OR52N2: variants seen among roughly 807,000 people sequenced by gnomAD.
OR52N2 encodes olfactory receptor 52N2.
For missense variants in OR52N2, 326 were observed against 196.6 expected (o/e 1.66, Z -3.94); for synonymous variants, 129 against 72.0 (o/e 1.79, Z -4.01).
chr11:5,812,153 T>G (rs1846366819), intron 1 of OR52N2, among the ~76,000 whole-genome samples: 1 of 141,540 alleles, frequency 7.1e-6, no homozygotes, highest in South Asian at 2.2e-4. Flanking sequence ...TATACCTATG[T>G]GACAAACCTG....
intron 1 of OR52N2, among the ~76,000 whole-genome samples, chr11:5,809,750 A>G (rs764189973): frequency 2.0e-5 from 3 of 152,142 alleles, no homozygotes; most frequent in Non-Finnish European, 2.9e-5. Flanking sequence ...CTGTGGGCTA[A>G]TTAAAGACAA....
At chr11:5,813,890 C>T (rs1846382565) in intron 1 of OR52N2, among the ~76,000 whole-genome samples, 1 of 152,150 alleles carries the variant, frequency 6.6e-6, no homozygotes, top group African/African-American at 2.4e-5. Flanking sequence ...AAATGCAACA[C>T]ACCTCATTAA....
intron 1 of OR52N2, among the ~76,000 whole-genome samples, chr11:5,814,652 A>T (rs1846388102): frequency 6.6e-6 from 1 of 152,224 alleles, no homozygotes; most frequent in Non-Finnish European, 1.5e-5. Context: ...TACAACCCAA[A>T]GTAATCTACA....
Position 5,811,930 on chromosome 11 carries a change from A to G in OR52N2, c.-55+2876A>G, listed in dbSNP as rs77965817. On this transcript the variant is annotated intron_variant, in intron 1 of 1. Transcript: ENST00000317037. Reference sequence around the variant, plus strand: ...AGAGTTCAGAAGTAGCTATATGTATATTGGCTAAAATAGCATTTAAATCAA... The same window carrying G: ...AGAGTTCAGAAGTAGCTATATGTATGTTGGCTAAAATAGCATTTAAATCAA... Among the ~76,000 whole-genome samples, 1,272 of 152,324 alleles carry G rather than the reference A, an allele frequency of 8.4e-3. 12 individuals are homozygous for G. The highest frequency in any genetic ancestry group is 0.02 in the East Asian group (102 of 5,186).
intron 1 of OR52N2, among the ~76,000 whole-genome samples, chr11:5,814,234 G>A (rs1420046480): frequency 6.6e-6 from 1 of 152,092 alleles, no homozygotes; most frequent in Non-Finnish European, 1.5e-5. Context: ...GTTCACCGTT[G>A]AAATGATCTA....
In OR52N2 at chr11:5,820,448, T is replaced by C; in HGVS notation, c.113T>C (p.Ile38Thr). 1 of 780,566 alleles carries C rather than the reference T, an allele frequency of 1.3e-6. No individual in the cohort carries two copies. Among genetic ancestry groups the C allele is most frequent in the Non-Finnish European group, 2.4e-6 (1 of 417,928 alleles). The allele number at this position is 780,566 out of a possible 1,614,324, so 48.4% of individuals were successfully genotyped here. ...TCCCTGCCATTCTGCTTTATGTACA[T>C]CATTGCTGTCGTGGGGAACTGTGGG... ...WISLPFCFMY[I>T]IAVVGNCGLI... The change falls in exon 2 of 2, where the codon ATC becomes ACC. Residue 38 changes from isoleucine to threonine, a missense_variant. Transcript: ENST00000317037.
intron 1 of OR52N2, among the ~76,000 whole-genome samples, chr11:5,810,961 A>C (rs7112569): frequency 0.49 from 73,872 of 151,568 alleles, 18,652 homozygotes; most frequent in Non-Finnish European, 0.56. Context: ...TTCTACTTGG[A>C]GATAAAAATT....
intron 1 of OR52N2, among the ~76,000 whole-genome samples, chr11:5,818,195 TA>T (rs1846418750): frequency 6.6e-6 from 1 of 152,168 alleles, no homozygotes; most frequent in African/African-American, 2.4e-5. Flanking sequence ...TTTTCTATAT[TA>T]AAGACATACT....
intron 1 of OR52N2, among the ~76,000 whole-genome samples, chr11:5,818,736 A>G (rs1052475403): frequency 3.3e-5 from 5 of 152,114 alleles, no homozygotes; most frequent in Non-Finnish European, 5.9e-5. Flanking sequence ...ACTGGACTTA[A>G]TCTTATTTTC....
intron 1 of OR52N2, among the ~76,000 whole-genome samples, chr11:5,812,061 C>A (rs1020138441): frequency 6.6e-6 from 1 of 152,088 alleles, no homozygotes; most frequent in African/African-American, 2.4e-5. Context: ...CAACACACAC[C>A]AAGGCCTGTT....
intron 1 of OR52N2, among the ~76,000 whole-genome samples, chr11:5,810,775 C>CTT (rs34182338): frequency 1.3e-5 from 2 of 151,290 alleles, no homozygotes; most frequent in Non-Finnish European, 1.5e-5. Context: ...AGTACACAAT[C>CTT]TTTTTTTTTA....
At chr11:5,819,894 C>T (rs1444514826) in intron 1 of OR52N2, among the ~76,000 whole-genome samples, 1 of 152,090 alleles carries the variant, frequency 6.6e-6, no homozygotes, top group Admixed American at 6.5e-5. Flanking sequence ...TGTAATTATA[C>T]CCATGTGATT....
intron 1 of OR52N2, among the ~76,000 whole-genome samples, chr11:5,812,701 G>A (rs928502418): frequency 2.0e-5 from 3 of 151,872 alleles, no homozygotes; most frequent in African/African-American, 4.8e-5. Flanking sequence ...AGTAGGGGAT[G>A]TCAACACCGC....
intron 1 of OR52N2, among the ~76,000 whole-genome samples, chr11:5,817,624 A>G (rs1846414078): frequency 6.6e-6 from 1 of 152,216 alleles, no homozygotes; most frequent in African/African-American, 2.4e-5. Context: ...AAGAAGGTAT[A>G]TAATAGTATT....
At chr11:5,820,234 A>G in intron 1 of OR52N2, 48 bp from the exon 2 acceptor site, 1 of 692,908 alleles carries the variant, frequency 1.4e-6, no homozygotes, top group Non-Finnish European at 2.6e-6. Context: ...ACTTTGTCCA[A>G]ACCAGTACCT....
intron 1 of OR52N2, among the ~76,000 whole-genome samples, chr11:5,816,545 C>CTTTTTTTTTTTTT (rs1464421774): frequency 9.3e-5 from 14 of 150,576 alleles, no homozygotes; most frequent in South Asian, 2.1e-4. Flanking sequence ...TGATCTAAAT[C>CTTTTTTTTTTTTT]TTCTTTTTTT....
At position 5,820,390 on chromosome 11, in the gene OR52N2, G is replaced by A. The variant is rs558453333; in HGVS notation, c.55G>A (p.Val19Ile). The change falls in exon 2 of 2, where the codon GTT becomes ATT. Residue 19 changes from valine to isoleucine, a missense_variant. Physicochemically the swap from Val to Ile is conservative, Grantham distance 29. Coordinates refer to ENST00000317037, the MANE Select transcript of OR52N2 (RefSeq NM_001005174.3). The stretch of plus-strand genomic sequence containing the variant: ...CCCAGGATTCTTTATCTTGAATGGC[G>A]TTCCTGGGCTGGAAGCCACACACAT... ...LTPGFFILNG[V>I]PGLEATHIWI... The A allele has an allele frequency of 1.3e-4, 102 of 780,860 alleles. No homozygotes were observed. Among genetic ancestry groups the A allele is most frequent in the East Asian group, 7.3e-4 (30 of 41,192 alleles). The allele number at this position is 780,860 out of a possible 1,614,324, so 48.4% of individuals were successfully genotyped here. A position where few individuals can be genotyped will look rare whatever the true frequency, so the allele number is the denominator to read the frequency against.
chr11:5,819,579 C>G (rs1846429570), intron 1 of OR52N2, among the ~76,000 whole-genome samples: 1 of 152,158 alleles, frequency 6.6e-6, no homozygotes, highest in Non-Finnish European at 1.5e-5. Context: ...TTGTAAATAT[C>G]TTCCTGTTTC....
At chr11:5,810,375 C>T (rs1371312933) in intron 1 of OR52N2, among the ~76,000 whole-genome samples, 1 of 152,162 alleles carries the variant, frequency 6.6e-6, no homozygotes, top group African/African-American at 2.4e-5. Context: ...TGTGTCTCAG[C>T]TCTGAACTGA....
Sources: gnomAD v4.1 joint callset for allele counts (sites outside exome capture counted in the v4.1 genomes callset) on GRCh38, gnomAD v4.1.1 for gene constraint, MANE v1.5 for transcripts, NCBI Gene and HGNC (gene_info 2026-07-23, HGNC 2026-07-21) for gene names.